SPSB1: variants seen among roughly 807,000 people sequenced by gnomAD.
SPSB1 encodes SPRY domain-containing SOCS box protein 1.
A neutral mutation model predicts 21.2 loss-of-function variants in SPSB1; 8 were observed. That is an observed-to-expected ratio of 0.38 (90% confidence interval 0.22 to 0.68). The LOEUF (loss-of-function observed/expected upper bound fraction) is 0.68. SPSB1 is among the 30% of genes least tolerant of loss of function. The pLI, the probability that SPSB1 is intolerant of heterozygous loss-of-function variation, is 0.53. For synonymous variants in SPSB1, 169 were observed against 161.7 expected (o/e 1.05, Z -0.34); for missense variants, 242 against 377.8 (o/e 0.64, Z 2.98).
At chr1:9,332,286 G>T (rs957234771) in intron 1 of SPSB1, among the ~76,000 whole-genome samples, 3 of 152,156 alleles carry the variant, frequency 2.0e-5, no homozygotes, top group African/African-American at 7.2e-5. Context: ...GGCCTTGCAA[G>T]TGATGACTTA....
intron 1 of SPSB1, among the ~76,000 whole-genome samples, chr1:9,313,811 A>T (rs1639563670): frequency 6.6e-6 from 1 of 152,188 alleles, no homozygotes; most frequent in Admixed American, 6.5e-5. Flanking sequence ...AGGCTGAGTG[A>T]ATGGAGGAGT....
chr1:9,299,740 A>G (rs1234127666), intron 1 of SPSB1, among the ~76,000 whole-genome samples: 1 of 151,962 alleles, frequency 6.6e-6, no homozygotes, highest in Non-Finnish European at 1.5e-5. Flanking sequence ...TGGCCTCCCA[A>G]AGTTCTGGGA....
At chr1:9,301,404 G>A (rs1639327517) in intron 1 of SPSB1, among the ~76,000 whole-genome samples, 2 of 152,178 alleles carry the variant, frequency 1.3e-5, no homozygotes, top group South Asian at 4.1e-4. Flanking sequence ...GGAGGCTGAG[G>A]TGGGAGGATC....
intron 2 of SPSB1, among the ~76,000 whole-genome samples, chr1:9,357,354 T>C (rs1015347255): frequency 6.6e-6 from 1 of 152,186 alleles, no homozygotes; most frequent in Admixed American, 6.5e-5. Context: ...AATGAATTGA[T>C]GGATAAATGG....
Position 9,368,903 on chromosome 1 carries a change from T to G in SPSB1, c.*1328T>G, listed in dbSNP as rs567580887. 6.6e-6 allele frequency: 1 copy of G among 152,634 alleles called. No homozygotes were observed. Among genetic ancestry groups the G allele is most frequent in the Non-Finnish European group, 1.5e-5 (1 of 68,006 alleles). 9.5% of individuals were successfully genotyped at this position (152,634 alleles called of 1,614,324 possible). A position where few individuals can be genotyped will look rare whatever the true frequency, so the allele number is the denominator to read the frequency against. ...GGGGTGCCCTATCCCTGGCAACCCC[T>G]CCACGTAGCGTACCCCAGCACCTGC... On this transcript the variant is annotated 3_prime_UTR_variant, in exon 3 of 3. Transcript: ENST00000328089.
intron 1 of SPSB1, among the ~76,000 whole-genome samples, chr1:9,295,569 G>A (rs977943141): frequency 1.3e-5 from 2 of 152,254 alleles, no homozygotes; most frequent in East Asian, 3.9e-4. Context: ...GGGTCCCTCT[G>A]GGCTGCTGCA....
chr1:9,308,166 G>A (rs79656366), intron 1 of SPSB1, among the ~76,000 whole-genome samples: 2,072 of 152,346 alleles, frequency 0.014, 45 homozygotes, highest in African/African-American at 0.047. Context: ...CCCAAAGGGG[G>A]TGGACTGCCT....
At chr1:9,352,743 TC>T (rs936148484) in intron 1 of SPSB1, among the ~76,000 whole-genome samples, 1 of 150,782 alleles carries the variant, frequency 6.6e-6, no homozygotes, top group Admixed American at 6.6e-5. Flanking sequence ...CCTCGCCTCT[TC>T]CCCCCTCAAC....
chr1:9,367,694 C>G lies in SPSB1; in HGVS notation c.*119C>G. 3 of 1,408,870 alleles carry G rather than the reference C, an allele frequency of 2.1e-6. No homozygotes were observed. Among genetic ancestry groups the G allele is most frequent in the Non-Finnish European group, 2.8e-6 (3 of 1,067,020 alleles). 87.3% of individuals were successfully genotyped at this position (1,408,870 alleles called of 1,614,324 possible). On this transcript the variant is annotated 3_prime_UTR_variant, in exon 3 of 3. Coordinates refer to ENST00000328089, the MANE Select transcript of SPSB1 (RefSeq NM_025106.4). The surrounding 1 kb of genome is among the most constrained non-coding windows in gnomAD (Gnocchi z 5.9). ...GCATCCGTAGCCATGGACAGAGGTC[C>G]CTGGTCTTCCCTCATCCTCCGTGGC...
chr1:9,330,196 G>A (rs9651297), intron 1 of SPSB1, among the ~76,000 whole-genome samples: 22,790 of 152,176 alleles, frequency 0.15, 5,181 homozygotes, highest in African/African-American at 0.5. Flanking sequence ...GGCTGGGCAC[G>A]GTGGCTCACG....
chr1:9,303,478 C>T (rs1047235170), intron 1 of SPSB1, among the ~76,000 whole-genome samples: 6 of 152,298 alleles, frequency 3.9e-5, no homozygotes, highest in African/African-American at 1.2e-4. Context: ...GTTCAGAATA[C>T]GGTTGTATGC....
intron 1 of SPSB1, among the ~76,000 whole-genome samples, chr1:9,352,435 TATAA>T (rs1557463497): frequency 6.6e-6 from 1 of 152,154 alleles, no homozygotes; most frequent in Non-Finnish European, 1.5e-5. Flanking sequence ...AGCCTGTCCT[TATAA>T]ATAAAGTTTT....
chr1:9,306,447 T>C (rs527612784), intron 1 of SPSB1, among the ~76,000 whole-genome samples: 15 of 151,740 alleles, frequency 9.9e-5, no homozygotes, highest in Admixed American at 9.2e-4. Flanking sequence ...TATAGTGGGG[T>C]CAGTGACAAT....
At chr1:9,316,770 G>A (rs1302963798) in intron 1 of SPSB1, among the ~76,000 whole-genome samples, 1 of 152,244 alleles carries the variant, frequency 6.6e-6, no homozygotes, top group Non-Finnish European at 1.5e-5. Context: ...TTGGGTCTGG[G>A]TCTGGGGGCC....
At chr1:9,325,747 C>T (rs1327709417) in intron 1 of SPSB1, among the ~76,000 whole-genome samples, 2 of 152,098 alleles carry the variant, frequency 1.3e-5, no homozygotes, top group Non-Finnish European at 2.9e-5. Flanking sequence ...GAGCATGGCA[C>T]GGGGGCAAAG....
Position 9,317,433 on chromosome 1 carries a change from G to GT in SPSB1, c.-150+24363dup, listed in dbSNP as rs1359268831. Among the ~76,000 whole-genome samples, 1 of 152,156 alleles carries GT rather than the reference G, an allele frequency of 6.6e-6. No homozygotes were observed. The highest frequency in any genetic ancestry group is 1.9e-4 in the East Asian group (1 of 5,204). ...GGTTTAGGTATCTGGGAGAAGGGGT[G>GT]TGGGGGCGTGTGGTAGAGATTTTCA... On this transcript the variant is annotated intron_variant, in intron 1 of 2. Transcript: ENST00000328089. The surrounding 1 kb of genome is among the most constrained non-coding windows in gnomAD (Gnocchi z 4.3).
intron 1 of SPSB1, among the ~76,000 whole-genome samples, chr1:9,315,126 G>C (rs1359371338): frequency 6.6e-6 from 1 of 152,212 alleles, no homozygotes; most frequent in African/African-American, 2.4e-5. Flanking sequence ...AGGTGAGGAG[G>C]GCAAGGCTGA....
At chr1:9,361,762 G>A (rs1339783591) in intron 2 of SPSB1, among the ~76,000 whole-genome samples, 2 of 152,218 alleles carry the variant, frequency 1.3e-5, no homozygotes, top group Non-Finnish European at 1.5e-5. Flanking sequence ...TCTCTCTCCT[G>A]GAGGGCAGGA....
intron 1 of SPSB1, among the ~76,000 whole-genome samples, chr1:9,335,794 C>T (rs1639994740): frequency 6.6e-6 from 1 of 152,202 alleles, no homozygotes. Context: ...GACGACAGGG[C>T]AGGACCCTGT....
Sources: allele counts gnomAD v4.1 joint callset (sites outside exome capture counted in the v4.1 genomes callset), GRCh38; gene constraint gnomAD v4.1.1; non-coding constraint Gnocchi (gnomAD v3.1); transcripts MANE v1.5; gene names NCBI Gene and HGNC (gene_info 2026-07-23, HGNC 2026-07-21).